The following NDRG3 variants were observed in gnomAD, a reference collection of about 807,000 sequenced individuals.
NDRG3 encodes protein NDRG3.
A neutral mutation model predicts 57.2 loss-of-function variants in NDRG3; 23 were observed. The ratio of observed to expected loss-of-function variants is 0.40; its 90% CI spans 0.29 to 0.57. NDRG3 has a LOEUF of 0.57. NDRG3 is among the 20% of genes least tolerant of loss of function. The pLI is 0.42. For missense variants in NDRG3, 384 were observed against 457.3 expected (o/e 0.84, Z 1.46); for synonymous variants, 132 against 162.6 (o/e 0.81, Z 1.43).
At chr20:36,729,010 C>A (rs577272649) in intron 1 of NDRG3, among the ~76,000 whole-genome samples, 35 of 152,232 alleles carry the variant, frequency 2.3e-4, no homozygotes, top group African/African-American at 8.4e-4. Context: ...GTGTAAGCCA[C>A]TGCTTCCAGG....
chr20:36,697,387 A>G (rs987554672), intron 3 of NDRG3, among the ~76,000 whole-genome samples: 2 of 152,034 alleles, frequency 1.3e-5, no homozygotes, highest in Non-Finnish European at 2.9e-5. Flanking sequence ...TTCCCCCCCA[A>G]GAATAGGGCA....
At chr20:36,740,999 G>A (rs184245624) in intron 1 of NDRG3, among the ~76,000 whole-genome samples, 2 of 152,186 alleles carry the variant, frequency 1.3e-5, no homozygotes, top group South Asian at 2.1e-4. Flanking sequence ...AGGTGGGGGG[G>A]GAATCTTTTA....
At chr20:36,690,939 GA>G (rs1048882020) in intron 3 of NDRG3, among the ~76,000 whole-genome samples, 1 of 152,078 alleles carries the variant, frequency 6.6e-6, no homozygotes, top group South Asian at 2.1e-4. Context: ...TGGTTGGGTG[GA>G]AAAAAAAGGG....
intron 2 of NDRG3, among the ~76,000 whole-genome samples, chr20:36,714,742 T>C (rs1315658688): frequency 1.3e-5 from 2 of 151,524 alleles, no homozygotes; most frequent in Non-Finnish European, 2.9e-5. Flanking sequence ...GCCTCCCAAG[T>C]AGCTGGGACT....
chr20:36,677,391 C>G (rs555651623), intron 8 of NDRG3, among the ~76,000 whole-genome samples: 1 of 152,220 alleles, frequency 6.6e-6, no homozygotes, highest in Non-Finnish European at 1.5e-5. Context: ...CCAGTCAGGA[C>G]TTGTGGCACC....
chr20:36,657,363 C>T (rs910085173), intron 13 of NDRG3, among the ~76,000 whole-genome samples: 3 of 152,184 alleles, frequency 2.0e-5, no homozygotes, highest in African/African-American at 4.8e-5. Context: ...TGGCACACAC[C>T]TGTAGTCCCA....
intron 12 of NDRG3, among the ~76,000 whole-genome samples, 184 bp from the exon 13 acceptor site, chr20:36,660,568 A>ATTT (rs937213463): frequency 6.9e-5 from 10 of 145,280 alleles, no homozygotes; most frequent in Middle Eastern, 3.5e-3. Context: ...TTATTTATTT[A>ATTT]TTTTTTTTTT....
chr20:36,733,171 AATATATATATATAT>A lies in NDRG3; in HGVS notation c.-48-11402_-48-11389del, dbSNP rs1555807708. Among the ~76,000 whole-genome samples the A allele has an allele frequency of 8.7e-4, 29 of 33,226 alleles. 1 individual carries two copies. Among genetic ancestry groups the A allele is most frequent in the African/African-American group, 2.4e-3 (23 of 9,388 alleles). The allele number at this position is 33,226 out of a possible 152,430, so 21.8% of individuals were successfully genotyped here. A position where few individuals can be genotyped will look rare whatever the true frequency, so the allele number is the denominator to read the frequency against. On this transcript the variant is annotated intron_variant, in intron 1 of 15. Transcript: ENST00000349004. ...CAAAAAAAAAAAAAAAAAAAAAAAAAATATATATATATATATATATATATATATATATGCACATA... is the reference window on the plus strand; with the variant it reads ...CAAAAAAAAAAAAAAAAAAAAAAAAAATATATATATATATATATGCACATA...
At chr20:36,732,216 T>G (rs375212496) in intron 1 of NDRG3, among the ~76,000 whole-genome samples, 12 of 152,238 alleles carry the variant, frequency 7.9e-5, no homozygotes, top group African/African-American at 2.9e-4. Flanking sequence ...AGACACACAC[T>G]GGGAGGGGCT....
chr20:36,670,195 G>A (rs1980023746), intron 9 of NDRG3, among the ~76,000 whole-genome samples: 1 of 152,114 alleles, frequency 6.6e-6, no homozygotes, highest in Non-Finnish European at 1.5e-5. Flanking sequence ...TGTTCTGGGT[G>A]GTAGTTACAT....
intron 1 of NDRG3, among the ~76,000 whole-genome samples, chr20:36,740,352 T>G (rs1166628270): frequency 1.3e-5 from 2 of 152,226 alleles, no homozygotes; most frequent in Non-Finnish European, 2.9e-5. Context: ...ACAACAATTT[T>G]TTTTTGTTTT....
At chr20:36,682,485 A>G in intron 7 of NDRG3, 33 bp downstream of exon 7, 1 of 1,588,028 alleles carries the variant, frequency 6.3e-7, no homozygotes, top group Non-Finnish European at 8.6e-7. Context: ...GCACTGCCTC[A>G]AGGATGTTGA....
chr20:36,656,364 G>A lies in NDRG3; in HGVS notation c.942C>T (p.Gly314=), dbSNP rs374801349. The A allele has an allele frequency of 5.0e-6, 8 of 1,613,994 alleles. No homozygotes were observed. Among genetic ancestry groups the A allele is most frequent in the Non-Finnish European group, 6.8e-6 (8 of 1,179,952 alleles). The part of the protein sequence containing the change: ...EAFKYFLQGM[G]YIPSASMTRL... ...AGAAAGTTGTGTACTACTCACTGTAGCCCATTCCCTGCAAAAAGTACTTGA... is the reference window on the plus strand; with the variant it reads ...AGAAAGTTGTGTACTACTCACTGTAACCCATTCCCTGCAAAAAGTACTTGA... Residue 314 remains glycine, a synonymous_variant, in exon 15 of 16, where the codon GGC becomes GGT. Transcript: ENST00000349004.
chr20:36,660,741 T>C (rs980845060), intron 12 of NDRG3, among the ~76,000 whole-genome samples: 27 of 152,068 alleles, frequency 1.8e-4, no homozygotes, highest in African/African-American at 6.5e-4. Context: ...TGTGTATTTT[T>C]AGTAGAGACG....
chr20:36,729,405 T>C (rs531081709), intron 1 of NDRG3, among the ~76,000 whole-genome samples: 1 of 152,290 alleles, frequency 6.6e-6, no homozygotes, highest in South Asian at 2.1e-4. Context: ...GGGAATCTTG[T>C]TTAGGATCTC....
intron 1 of NDRG3, among the ~76,000 whole-genome samples, chr20:36,726,964 T>C (rs1467988176): frequency 6.6e-6 from 1 of 151,514 alleles, no homozygotes; most frequent in Non-Finnish European, 1.5e-5. Context: ...TTGCCCAGGC[T>C]GGAGCACAGT....
At position 36,652,402 on chromosome 20, in the gene NDRG3, C is replaced by T. The variant is rs1978320108; in HGVS notation, c.*1118G>A. The T allele has an allele frequency of 6.7e-6, 1 of 149,144 alleles. No homozygotes were observed. The highest frequency in any genetic ancestry group is 2.1e-4 in the South Asian group (1 of 4,708). The allele number at this position is 149,144 out of a possible 1,614,324, so 9.2% of individuals were successfully genotyped here. On this transcript the variant is annotated 3_prime_UTR_variant, in exon 16 of 16. Coordinates refer to ENST00000349004, the MANE Select transcript of NDRG3 (RefSeq NM_032013.4). ...CACTCCAGCCTGGGTAACAGCGAGA[C>T]TCTGTCTCAAAAAAAAAAAAAGACT... is the stretch of plus-strand genomic sequence containing the variant.
chr20:36,677,515 C>A, intron 8 of NDRG3, among the ~76,000 whole-genome samples: 1 of 152,174 alleles, frequency 6.6e-6, no homozygotes, highest in East Asian at 1.9e-4. Context: ...GGCCAGAGGA[C>A]AAAGAAGGTA....
intron 9 of NDRG3, among the ~76,000 whole-genome samples, chr20:36,666,814 T>C (rs530264210): frequency 6.6e-6 from 1 of 152,298 alleles, no homozygotes; most frequent in African/African-American, 2.4e-5. Flanking sequence ...AACCATAAAG[T>C]GTAAAACAAA....
Sources: gnomAD v4.1 joint callset for allele counts (sites outside exome capture counted in the v4.1 genomes callset) on GRCh38, gnomAD v4.1.1 for gene constraint, MANE v1.5 for transcripts, NCBI Gene and HGNC (gene_info 2026-07-23, HGNC 2026-07-21) for gene names.